Variants in OXR1 observed in about 807,000 individuals in gnomAD.
The protein encoded by OXR1 is oxidation resistance 1, also known as oxidation resistance protein 1.
In OXR1, 41 loss-of-function variants were observed where a neutral mutation model predicts 104.6. That is an observed-to-expected ratio of 0.39 (90% confidence interval 0.31 to 0.51). The LOEUF is 0.51. Among genes scored for constraint, OXR1 ranks in the 20% least tolerant of loss-of-function variants. The pLI is 0.77. For synonymous variants in OXR1, 348 were observed against 348.4 expected, an observed-to-expected ratio of 1.00 and a Z score of 0.01; for missense variants, 955 against 1,031.9, an observed-to-expected ratio of 0.93 and a Z score of 1.02.
At chr8:106,621,646 G>A (rs1821714542) in intron 3 of OXR1, among the ~76,000 whole-genome samples, 1 of 151,928 alleles carries the variant, frequency 6.6e-6, no homozygotes, top group Admixed American at 6.6e-5. Flanking sequence ...TCCATTAAAA[G>A]TTAATATATT....
At chr8:106,581,226 A>G (rs1818197758) in intron 3 of OXR1, 1 of 1,288,280 alleles carries the variant, frequency 7.8e-7, no homozygotes, top group African/African-American at 1.5e-5. Flanking sequence ...CCAAGGAAAT[A>G]TGCCCAATAT....
At chr8:106,319,503 A>G (rs188177394) in intron 1 of OXR1, among the ~76,000 whole-genome samples, 9 of 152,322 alleles carry the variant, frequency 5.9e-5, no homozygotes, top group African/African-American at 2.2e-4. Context: ...AGGTAGAGCA[A>G]TTAAAGCTCT....
intron 3 of OXR1, among the ~76,000 whole-genome samples, chr8:106,665,541 T>G (rs1197586486): frequency 6.6e-6 from 1 of 152,224 alleles, no homozygotes; most frequent in East Asian, 1.9e-4. Context: ...TTAAAGCACC[T>G]TAGAAAGTGT....
rs3044299 is a variant in OXR1, at chr8:106,286,373, G to GT, written c.-139+16023dup. ...TCTATTTAAGCTAATTTAAGTTAGG[G>GT]TTTTTTTTTTTTTTTTTCAATGAAA... On this transcript the variant is annotated intron_variant, in intron 1 of 16. Coordinates refer to ENST00000517566, the MANE Select transcript of OXR1 (RefSeq NM_001198533.2). Among the ~76,000 whole-genome samples, 538 of 138,164 alleles carry GT rather than the reference G, an allele frequency of 3.9e-3. 4 individuals carry two copies. Among genetic ancestry groups the GT allele is most frequent in the East Asian group, 0.012 (60 of 4,828 alleles). 90.6% of individuals were successfully genotyped at this position (138,164 alleles called of 152,430 possible). A position where few individuals can be genotyped will look rare whatever the true frequency, so the allele number is the denominator to read the frequency against.
At chr8:106,311,875 C>T (rs1175169911) in intron 1 of OXR1, among the ~76,000 whole-genome samples, 2 of 152,136 alleles carry the variant, frequency 1.3e-5, no homozygotes, top group Non-Finnish European at 2.9e-5. Flanking sequence ...TATCTTTTCA[C>T]TTTCCGGCAT....
intron 2 of OXR1, among the ~76,000 whole-genome samples, chr8:106,471,879 T>C (rs1376471944): frequency 2.0e-5 from 3 of 151,896 alleles, no homozygotes; most frequent in African/African-American, 7.2e-5. Flanking sequence ...AGCATTGACG[T>C]ATGTCCTTTA....
chr8:106,325,890 C>T (rs999579731), intron 1 of OXR1, among the ~76,000 whole-genome samples: 1 of 152,058 alleles, frequency 6.6e-6, no homozygotes, highest in African/African-American at 2.4e-5. Flanking sequence ...AAGGTGAAAG[C>T]ATTTGTATTT....
chr8:106,365,571 A>G (rs1030820697), intron 2 of OXR1, among the ~76,000 whole-genome samples: 1 of 152,200 alleles, frequency 6.6e-6, no homozygotes, highest in African/African-American at 2.4e-5. Context: ...CAAAATGCCA[A>G]TGTCTTTCTA....
intron 2 of OXR1, among the ~76,000 whole-genome samples, chr8:106,383,062 A>G (rs1323744895): frequency 6.6e-6 from 1 of 152,014 alleles, no homozygotes; most frequent in Non-Finnish European, 1.5e-5. Flanking sequence ...AATATGAGAA[A>G]GGAAAGATTG....
chr8:106,433,665 T>C (rs894732738), intron 2 of OXR1, among the ~76,000 whole-genome samples: 2 of 152,222 alleles, frequency 1.3e-5, no homozygotes, highest in African/African-American at 4.8e-5. Flanking sequence ...TTCACTGTTA[T>C]AATGTTCTCC....
chr8:106,537,349 G>C (rs1031016215), intron 3 of OXR1, among the ~76,000 whole-genome samples: 1 of 152,170 alleles, frequency 6.6e-6, no homozygotes, highest in African/African-American at 2.4e-5. Context: ...GAGAGTGAGG[G>C]TGCAGTGATT....
chr8:106,454,971 G>C (rs1435210902), intron 2 of OXR1, among the ~76,000 whole-genome samples: 1 of 152,142 alleles, frequency 6.6e-6, no homozygotes, highest in African/African-American at 2.4e-5. Context: ...TATGCATGTT[G>C]AAAGATAAGA....
chr8:106,417,786 T>C (rs1480380919), intron 2 of OXR1, among the ~76,000 whole-genome samples: 1 of 152,068 alleles, frequency 6.6e-6, no homozygotes, highest in Admixed American at 6.6e-5. Flanking sequence ...CAACCGGAAA[T>C]AGATGGCACT....
chr8:106,468,468 A>G (rs1156232658), intron 2 of OXR1, among the ~76,000 whole-genome samples: 1 of 151,914 alleles, frequency 6.6e-6, no homozygotes, highest in Non-Finnish European at 1.5e-5. Flanking sequence ...GGGCCAAAGG[A>G]ATACATAGTC....
chr8:106,271,550 G>C (rs1811810540), intron 1 of OXR1, among the ~76,000 whole-genome samples: 1 of 152,106 alleles, frequency 6.6e-6, no homozygotes, highest in Non-Finnish European at 1.5e-5. Context: ...GTGTGTGTGC[G>C]TGTGTGCGCG....
chr8:106,291,752 A>G (rs920101630), intron 1 of OXR1, among the ~76,000 whole-genome samples: 1 of 152,204 alleles, frequency 6.6e-6, no homozygotes, highest in Admixed American at 6.5e-5. Context: ...ACAGTTCCAC[A>G]TGGCTGGGGA....
intron 7 of OXR1, among the ~76,000 whole-genome samples, chr8:106,696,227 T>C (rs1035743117): frequency 6.6e-6 from 1 of 152,212 alleles, no homozygotes; most frequent in Non-Finnish European, 1.5e-5. Flanking sequence ...TAGAGTATGA[T>C]TGAATGAATT....
At chr8:106,473,286 T>C (rs1331141601) in intron 2 of OXR1, among the ~76,000 whole-genome samples, 1 of 151,854 alleles carries the variant, frequency 6.6e-6, no homozygotes, top group Non-Finnish European at 1.5e-5. Flanking sequence ...TGATGGTGAT[T>C]AAATAAAGGT....
At chr8:106,527,620 A>G (rs760159334) in intron 3 of OXR1, among the ~76,000 whole-genome samples, 3 of 152,208 alleles carry the variant, frequency 2.0e-5, no homozygotes, top group Non-Finnish European at 2.9e-5. Context: ...CCAGGATTCA[A>G]TCCAAACGTC....
Sources: allele counts gnomAD v4.1 joint callset (sites outside exome capture counted in the v4.1 genomes callset), GRCh38; gene constraint gnomAD v4.1.1; transcripts MANE v1.5; gene names NCBI Gene and HGNC (gene_info 2026-07-23, HGNC 2026-07-21).